Variants in GSK3B observed in about 807,000 individuals in gnomAD.
GSK3B encodes glycogen synthase kinase 3 beta.
GSK3B carries 15 observed loss-of-function variants against 56.4 expected under a neutral mutation model. The observed-to-expected ratio is 0.27, with a 90% confidence interval of 0.18 to 0.41. The LOEUF (loss-of-function observed/expected upper bound fraction) is 0.41. Among genes scored for constraint, GSK3B ranks in the 10% least tolerant of loss-of-function variants. GSK3B has a pLI of 1.00. For synonymous variants in GSK3B, 181 were observed against 188.9 expected (o/e 0.96, Z 0.34); for missense variants, 300 against 513.4 (o/e 0.58, Z 4.02).
chr3:119,926,552 T>A lies in GSK3B; in HGVS notation c.367-3069A>T, dbSNP rs73854742. On this transcript the variant is annotated intron_variant, in intron 3 of 10. Coordinates refer to ENST00000264235, the MANE Select transcript of GSK3B (RefSeq NM_001146156.2). ...CTACCCTTATTCCTTTCCAGTCTAC[T>A]ATCAACTAAAATCAAGTCAAGTTAG... Among the ~76,000 whole-genome samples the A allele has an allele frequency of 4.9e-3, 747 of 152,320 alleles. 3 individuals are homozygous for A. Among genetic ancestry groups the A allele is most frequent in the African/African-American group, 0.017 (701 of 41,568 alleles).
At chr3:119,896,459 G>GTTT (rs145483063) in intron 7 of GSK3B, among the ~76,000 whole-genome samples, 5,230 of 151,918 alleles carry the variant, frequency 0.034, 323 homozygotes, top group African/African-American at 0.12. Context: ...ACATCAACCA[G>GTTT]TTTTACTTTC....
At chr3:119,863,102 C>T (rs530668964) in intron 9 of GSK3B, among the ~76,000 whole-genome samples, 2 of 152,278 alleles carry the variant, frequency 1.3e-5, no homozygotes, top group African/African-American at 2.4e-5. Context: ...AGATCCAAAC[C>T]TAAAAGTTAA....
intron 7 of GSK3B, among the ~76,000 whole-genome samples, chr3:119,904,474 T>C (rs772233065): frequency 2.0e-5 from 3 of 152,174 alleles, no homozygotes; most frequent in Non-Finnish European, 2.9e-5. Context: ...AGAAATTATA[T>C]GGATAATAAA....
At chr3:119,876,275 G>A (rs2056312452) in intron 8 of GSK3B, 138 bp downstream of exon 8, 1 of 597,000 alleles carries the variant, frequency 1.7e-6, no homozygotes, top group Non-Finnish European at 3.0e-6. Flanking sequence ...AAACACTCAA[G>A]TACATCTATA....
chr3:119,879,455 A>G (rs1358182246), intron 7 of GSK3B, among the ~76,000 whole-genome samples: 2 of 152,194 alleles, frequency 1.3e-5, no homozygotes, highest in African/African-American at 2.4e-5. Context: ...TGTTGGGATT[A>G]CAGGTGTGAG....
intron 2 of GSK3B, among the ~76,000 whole-genome samples, chr3:119,986,115 G>A (rs1050176198): frequency 1.3e-5 from 2 of 152,094 alleles, no homozygotes; most frequent in African/African-American, 4.8e-5. Flanking sequence ...ATGGTGCTGG[G>A]AAAACTAGCT....
At chr3:119,853,800 T>C (rs997211044) in intron 9 of GSK3B, among the ~76,000 whole-genome samples, 1 of 152,236 alleles carries the variant, frequency 6.6e-6, no homozygotes, top group Non-Finnish European at 1.5e-5. Flanking sequence ...AAATTGCTTA[T>C]CAGCTTAAGG....
In GSK3B at chr3:120,093,625, C is replaced by T. The variant is rs566865849; in HGVS notation, c.-191G>A. On this transcript the variant is annotated 5_prime_UTR_variant, in exon 1 of 11. Coordinates refer to ENST00000264235, the MANE Select transcript of GSK3B (RefSeq NM_001146156.2). ...AAAACAAAACAAGCGATATATTTCT[C>T]CTTCAAGACAGATCGGCACGGATAT... is the stretch of plus-strand genomic sequence containing the variant. The T allele has an allele frequency of 3.4e-5, 17 of 499,998 alleles. No homozygotes were observed. The highest frequency in any genetic ancestry group is 1.1e-5 in the Non-Finnish European group (3 of 276,130). 31.0% of individuals were successfully genotyped at this position (499,998 alleles called of 1,614,324 possible).
At position 119,863,530 on chromosome 3, in the gene GSK3B, G is replaced by A; in HGVS notation, c.985C>T (p.Leu329=). 1 of 1,613,494 alleles carries A rather than the reference G, an allele frequency of 6.2e-7. No individual in the cohort carries two copies. Among genetic ancestry groups the A allele is most frequent in the Non-Finnish European group, 8.5e-7 (1 of 1,179,370 alleles). ...TGTGCACAAGCTTCCAGTGGTGTTAGTCGGGCAGTTGGTGTATACTCCAGC... is the reference window on the plus strand; with the variant it reads ...TGTGCACAAGCTTCCAGTGGTGTTAATCGGGCAGTTGGTGTATACTCCAGC... The part of the protein sequence containing the change: ...RLLEYTPTAR[L]TPLEACAHSF... Residue 329 remains leucine (L), a synonymous_variant, in exon 9 of 11, where the codon CTA becomes TTA. Transcript: ENST00000264235.
chr3:119,889,820 CAT>C (rs1184421184), intron 7 of GSK3B, among the ~76,000 whole-genome samples: 6 of 151,864 alleles, frequency 4.0e-5, no homozygotes, highest in Non-Finnish European at 7.4e-5. Flanking sequence ...AATTAAAACA[CAT>C]AGAGTAAAAG....
intron 1 of GSK3B, chr3:120,029,912 G>A: frequency 1.8e-6 from 1 of 545,270 alleles, no homozygotes; most frequent in Admixed American, 1.9e-5. Flanking sequence ...CATGATGCCT[G>A]AGAGCCACAG....
At chr3:120,082,385 C>CTT (rs1173737285) in intron 1 of GSK3B, among the ~76,000 whole-genome samples, 905 of 66,342 alleles carry the variant, frequency 0.014, 190 homozygotes, top group East Asian at 0.031. Flanking sequence ...TTAGTATGTT[C>CTT]TTTTTTTTTT....
intron 1 of GSK3B, among the ~76,000 whole-genome samples, chr3:120,053,229 C>T (rs2058165366): frequency 6.6e-6 from 1 of 152,008 alleles, no homozygotes; most frequent in South Asian, 2.1e-4. Context: ...CCCAGCTACT[C>T]GGGAGGCTGA....
intron 1 of GSK3B, among the ~76,000 whole-genome samples, chr3:120,090,738 A>G (rs1353757342): frequency 1.3e-5 from 2 of 152,186 alleles, no homozygotes; most frequent in Admixed American, 1.3e-4. Context: ...TCACTAATTC[A>G]ACTGCAAAAA....
At chr3:119,854,317 T>G (rs780389122) in intron 9 of GSK3B, among the ~76,000 whole-genome samples, 5 of 152,228 alleles carry the variant, frequency 3.3e-5, no homozygotes, top group Non-Finnish European at 5.9e-5. Flanking sequence ...TGGATTCAGT[T>G]TGCCAGTATT....
chr3:119,870,480 C>T (rs555090386), intron 8 of GSK3B, among the ~76,000 whole-genome samples: 1 of 152,284 alleles, frequency 6.6e-6, no homozygotes, highest in East Asian at 1.9e-4. Flanking sequence ...CTTTGCCTCC[C>T]ACAAGCAATC....
At chr3:119,972,025 A>G (rs1232308395) in intron 2 of GSK3B, among the ~76,000 whole-genome samples, 5 of 152,230 alleles carry the variant, frequency 3.3e-5, no homozygotes, top group African/African-American at 1.2e-4. Flanking sequence ...TAAGAAATAA[A>G]GGAGATGACC....
intron 1 of GSK3B, chr3:120,028,616 T>C (rs2057949041): frequency 3.3e-6 from 1 of 306,242 alleles, no homozygotes; most frequent in Admixed American, 3.6e-5. Context: ...TCTAGCCTTA[T>C]GGAAAACATA....
chr3:120,002,006 T>TA (rs1251996534), intron 2 of GSK3B, 40 bp downstream of exon 2: 2 of 1,328,618 alleles, frequency 1.5e-6, no homozygotes, highest in African/African-American at 3.0e-5. Flanking sequence ...GTATATGTAT[T>TA]ACGACAGCAA....
Sources: allele counts gnomAD v4.1 joint callset (sites outside exome capture counted in the v4.1 genomes callset), GRCh38; gene constraint gnomAD v4.1.1; transcripts MANE v1.5; gene names NCBI Gene and HGNC (gene_info 2026-07-23, HGNC 2026-07-21).